Variants in WDR35 observed in about 807,000 individuals in gnomAD.
WDR35 encodes WD repeat-containing protein 35.
Under a neutral mutation model 158.3 loss-of-function variants are expected in WDR35, and 118 were observed. The observed-to-expected ratio is 0.75, with a 90% CI of 0.64 to 0.87. The LOEUF is 0.87. Ranked by LOEUF, WDR35 falls within the 40% of genes least tolerant of loss-of-function variation. The pLI is 0.00. For missense variants in WDR35, 1,263 were observed against 1,405.8 expected (o/e 0.90, Z 1.62); for synonymous variants, 448 against 476.1 (o/e 0.94, Z 0.77).
At chr2:19,919,380 C>CAAAAAAAAAAAAAAAAAAAAAAAA (rs1302042752) in intron 25 of WDR35, among the ~76,000 whole-genome samples, 1 of 48,242 alleles carries the variant, frequency 2.1e-5, no homozygotes, top group Non-Finnish European at 4.3e-5. Context: ...GGCTCCATCT[C>CAAAAAAAAAAAAAAAAAAAAAAAA]AAAAAAAAAA....
rs1672362412 is a variant in WDR35 at position 19,980,886 on chromosome 2, T to C, written c.215-103A>G. The C allele has an allele frequency of 7.0e-6, 7 of 1,006,366 alleles. No homozygotes were observed. The South Asian group carries it at 9.7e-5, about 14-fold the overall frequency. The allele number at this position is 1,006,366 out of a possible 1,614,324, so 62.3% of individuals were successfully genotyped here. A position where few individuals can be genotyped will look rare whatever the true frequency, so the allele number is the denominator to read the frequency against. Reference sequence around the variant, plus strand: ...ATCATGTTAAAATCAATATGGTTCCTGTACAGCTAACTAGTCTTTAATATT... The same window carrying C: ...ATCATGTTAAAATCAATATGGTTCCCGTACAGCTAACTAGTCTTTAATATT... On this transcript the variant is annotated intron_variant, in intron 3 of 26. Transcript: ENST00000281405.
intron 10 of WDR35, among the ~76,000 whole-genome samples, chr2:19,963,203 T>C (rs1671721973): frequency 6.6e-6 from 1 of 152,176 alleles, no homozygotes; most frequent in South Asian, 2.1e-4. Context: ...CGGATCAGAA[T>C]TTAGGGTTCA....
chr2:19,983,765 T>C (rs1672462692), intron 2 of WDR35, among the ~76,000 whole-genome samples: 1 of 152,122 alleles, frequency 6.6e-6, no homozygotes, highest in South Asian at 2.1e-4. Flanking sequence ...CCCAGTTGTT[T>C]TGGTAACACA....
intron 10 of WDR35, chr2:19,962,391 T>A (rs752665043): frequency 1.3e-6 from 2 of 1,543,530 alleles, no homozygotes; most frequent in Admixed American, 3.4e-5. Context: ...AAAAAAGACA[T>A]GACTCAACCT....
At chr2:19,980,856 C>T in intron 3 of WDR35, 73 bp from the exon 4 acceptor site, 3 of 1,317,010 alleles carry the variant, frequency 2.3e-6, no homozygotes, top group Admixed American at 3.4e-5. Context: ...TATATAAACA[C>T]CAAGATCATG....
chr2:19,976,446 G>T (rs1346617820), intron 5 of WDR35, among the ~76,000 whole-genome samples: 1 of 151,910 alleles, frequency 6.6e-6, no homozygotes, highest in African/African-American at 2.4e-5. Flanking sequence ...TTGGGTTATG[G>T]TTATATACTA....
At chr2:19,913,978 T>C in intron 26 of WDR35, 59 bp downstream of exon 26, 2 of 1,608,662 alleles carry the variant, frequency 1.2e-6, no homozygotes, top group Non-Finnish European at 1.7e-6. Context: ...ACATTGTACA[T>C]CTAGAAATCC....
At chr2:19,924,211 A>G (rs1391882929) in intron 25 of WDR35, among the ~76,000 whole-genome samples, 1 of 152,166 alleles carries the variant, frequency 6.6e-6, no homozygotes, top group Non-Finnish European at 1.5e-5. Context: ...TAGTGCTATA[A>G]AACAGGGACC....
At chr2:19,957,556 A>ATT (rs35202505) in intron 11 of WDR35, among the ~76,000 whole-genome samples, 1,530 of 145,684 alleles carry the variant, frequency 0.011, 25 homozygotes, top group African/African-American at 0.034. Flanking sequence ...AGGTTATTGG[A>ATT]TTTTTTTTTT....
intron 13 of WDR35, among the ~76,000 whole-genome samples, chr2:19,950,167 A>G (rs943767229): frequency 5.9e-5 from 9 of 152,226 alleles, no homozygotes; most frequent in Admixed American, 1.3e-4. Flanking sequence ...GAATATCACA[A>G]TAAGTGATGC....
chr2:19,918,887 C>T (rs575502552), intron 25 of WDR35, among the ~76,000 whole-genome samples: 90 of 152,270 alleles, frequency 5.9e-4, no homozygotes, highest in Non-Finnish European at 1.0e-3. Context: ...CAGCTGTGGA[C>T]CAAGTGAACT....
intron 17 of WDR35, 76 bp from the exon 18 acceptor site, chr2:19,938,477 C>A: frequency 2.0e-6 from 3 of 1,507,792 alleles, no homozygotes; most frequent in African/African-American, 1.4e-5. Flanking sequence ...TATTAAAAAC[C>A]AGAACAAAAC....
chr2:19,979,673 A>G (rs1388813659), intron 4 of WDR35, among the ~76,000 whole-genome samples: 1 of 152,086 alleles, frequency 6.6e-6, no homozygotes, highest in African/African-American at 2.4e-5. Flanking sequence ...CCAGAGCAGG[A>G]TAACAGAATC....
chr2:19,947,748 C>T (rs1393082611), intron 14 of WDR35, among the ~76,000 whole-genome samples: 2 of 152,086 alleles, frequency 1.3e-5, no homozygotes, highest in Non-Finnish European at 2.9e-5. Context: ...GCCCCACCAC[C>T]ATGCAATCTT....
intron 17 of WDR35, among the ~76,000 whole-genome samples, chr2:19,939,654 T>C (rs1670806653): frequency 1.3e-5 from 2 of 152,232 alleles, no homozygotes; most frequent in African/African-American, 2.4e-5. Flanking sequence ...AATGATGTTC[T>C]GATGTTTAAC....
intron 25 of WDR35, among the ~76,000 whole-genome samples, chr2:19,917,065 T>C (rs1032264435): frequency 6.6e-6 from 1 of 152,206 alleles, no homozygotes; most frequent in East Asian, 1.9e-4. Flanking sequence ...CAACCTTTGC[T>C]GCTCTGCAGC....
At position 19,913,405 on chromosome 2, in the gene WDR35, T is replaced by C. The variant is rs1218580534; in HGVS notation, c.*153A>G. On this transcript the variant is annotated 3_prime_UTR_variant, in exon 27 of 27. Transcript: ENST00000281405. ...CAGTTGTATTGCCATAAAAATTATTTTATTAACATATATTTTGTGCAAAAA... is the reference window on the plus strand; with the variant it reads ...CAGTTGTATTGCCATAAAAATTATTCTATTAACATATATTTTGTGCAAAAA... 1.1e-6 allele frequency: 1 copy of C among 878,658 alleles called. No individual in the cohort carries two copies. The highest frequency in any genetic ancestry group is 1.7e-6 in the Non-Finnish European group (1 of 600,324). The allele number at this position is 878,658 out of a possible 1,614,324, so 54.4% of individuals were successfully genotyped here. A position where few individuals can be genotyped will look rare whatever the true frequency, so the allele number is the denominator to read the frequency against.
chr2:19,942,662 GGAAA>G (rs1379504056), intron 16 of WDR35, among the ~76,000 whole-genome samples: 1 of 151,394 alleles, frequency 6.6e-6, no homozygotes, highest in African/African-American at 2.4e-5. Flanking sequence ...GGAGAAAGAT[GGAAA>G]GAGAGATCAA....
intron 25 of WDR35, among the ~76,000 whole-genome samples, chr2:19,928,464 C>A (rs1670424750): frequency 6.6e-6 from 1 of 152,178 alleles, no homozygotes; most frequent in Admixed American, 6.5e-5. Flanking sequence ...TCTTTAATTC[C>A]TCTAGCGCCG....
Sources: gnomAD v4.1 joint callset for allele counts (sites outside exome capture counted in the v4.1 genomes callset) on GRCh38, gnomAD v4.1.1 for gene constraint, MANE v1.5 for transcripts, NCBI Gene and HGNC (gene_info 2026-07-23, HGNC 2026-07-21) for gene names.